Variants in DNAH6 observed in about 807,000 individuals in gnomAD.
DNAH6 encodes axonemal beta dynein heavy chain 6.
DNAH6 carries 340 observed loss-of-function variants against 491.4 expected under a neutral mutation model. That is an observed-to-expected ratio of 0.69 (90% confidence interval 0.63 to 0.76). The LOEUF is 0.76. DNAH6 is among the 30% of genes least tolerant of loss of function. DNAH6 has a pLI of 0.00. For synonymous variants in DNAH6, 1,603 were observed against 1,686.1 expected, an observed-to-expected ratio of 0.95 and a Z score of 1.21; for missense variants, 4,443 against 4,972.2, an observed-to-expected ratio of 0.89 and a Z score of 3.20.
chr2:84,709,528 G>C lies in DNAH6; in HGVS notation c.9234G>C (p.Met3078Ile). The change falls in exon 55 of 77, where the codon ATG (methionine) becomes ATC (isoleucine). Residue 3078 changes from methionine to isoleucine, a missense_variant. Physicochemically the swap from Met to Ile is conservative, Grantham distance 10. Around this residue, in one of 3 missense-constraint regions of DNAH6, gnomAD observed 1,463 missense variants for 1,656.6 expected, o/e 0.88. Coordinates refer to ENST00000389394, the MANE Select transcript of DNAH6 (RefSeq NM_001370.2). Reference protein sequence around the residue: ...LVTQGRRWPLMIDPQDQANRW... With the variant: ...LVTQGRRWPLIIDPQDQANRW... ...CTCAAGGCAGAAGATGGCCTTTGAT[G>C]ATTGATCCCCAAGATCAGGTGTGTA... The C allele has an allele frequency of 6.4e-7, 1 of 1,551,694 alleles. No homozygotes were observed. The highest frequency in any genetic ancestry group is 8.7e-7 in the Non-Finnish European group (1 of 1,147,018).
intron 37 of DNAH6, 123 bp downstream of exon 37, chr2:84,659,292 A>AT (rs1691259132): frequency 3.8e-6 from 2 of 523,504 alleles, no homozygotes; most frequent in Non-Finnish European, 5.9e-6. Flanking sequence ...GGTTCCTAAA[A>AT]TTATTCATGT....
At chr2:84,476,509 TCTTTA>T in the DNAH6 span, among the ~76,000 whole-genome samples, 3 of 152,194 alleles carry the variant, frequency 2.0e-5, no homozygotes. Flanking sequence ...CCCTTTCTTT[TCTTTA>T]ATTTTCTCCA....
At chr2:84,464,050 G>A in the DNAH6 span, among the ~76,000 whole-genome samples, 1 of 152,160 alleles carries the variant, frequency 6.6e-6, no homozygotes, top group Non-Finnish European at 1.5e-5. Flanking sequence ...AATTCCTGGA[G>A]TGATGCTAGG....
In DNAH6 at chr2:84,709,385, C is replaced by A; in HGVS notation, c.9091C>A (p.Pro3031Thr). ...WIQDCQSLEI[P>T]IDPSFSLINI... ...CCAGGACTGTCAGTCTCTGGAGATC[C>A]CAATCGATCCTTCCTTCAGTCTCAT... is the stretch of plus-strand genomic sequence containing the variant. Residue 3031 changes from proline to threonine, a missense_variant, in exon 55 of 77, where the codon CCA becomes ACA. Physicochemically the swap from Pro to Thr is conservative, Grantham distance 38 (BLOSUM62 -1). This residue lies in a region of DNAH6 where 1,463 missense variants were observed against 1,656.6 expected (regional missense o/e 0.88). Coordinates refer to ENST00000389394, the MANE Select transcript of DNAH6 (RefSeq NM_001370.2). 6.4e-7 allele frequency: 1 copy of A among 1,551,648 alleles called. No homozygotes were observed. Among genetic ancestry groups the A allele is most frequent in the Non-Finnish European group, 8.7e-7 (1 of 1,147,000 alleles).
At chr2:84,476,710 A>G in the DNAH6 span, among the ~76,000 whole-genome samples, 1 of 152,120 alleles carries the variant, frequency 6.6e-6, no homozygotes, top group Non-Finnish European at 1.5e-5. Context: ...ATCTCTGCCA[A>G]TTCTCTCCCA....
At chr2:84,678,958 T>C (rs1693515949) in intron 41 of DNAH6, among the ~76,000 whole-genome samples, 1 of 152,200 alleles carries the variant, frequency 6.6e-6, no homozygotes, top group South Asian at 2.1e-4. Flanking sequence ...CCCATGGATC[T>C]CAAACTTCAT....
chr2:84,551,356 A>G (rs1679340172), intron 9 of DNAH6, among the ~76,000 whole-genome samples: 1 of 151,326 alleles, frequency 6.6e-6, no homozygotes, highest in Non-Finnish European at 1.5e-5. Context: ...AAATATACAA[A>G]GAAAAGCACC....
chr2:84,759,207 CA>C (rs752611284), intron 63 of DNAH6, among the ~76,000 whole-genome samples: 4,361 of 139,578 alleles, frequency 0.031, 152 homozygotes, highest in African/African-American at 0.095. Context: ...TAATAGCTAC[CA>C]AAAAAAAAAA....
At chr2:84,766,928 G>A (rs1225411340) in intron 64 of DNAH6, among the ~76,000 whole-genome samples, 1 of 152,162 alleles carries the variant, frequency 6.6e-6, no homozygotes, top group East Asian at 1.9e-4. Flanking sequence ...TGCCAGGTAA[G>A]AAATAAATGG....
chr2:84,778,256 CATGTCCG>C (rs1676344846), intron 64 of DNAH6: 2 of 606,468 alleles, frequency 3.3e-6, no homozygotes, highest in African/African-American at 3.7e-5. Flanking sequence ...ATCAGGAATG[CATGTCCG>C]GCGGGCATCG....
chr2:84,703,154 G>A (rs1019783306), intron 49 of DNAH6, among the ~76,000 whole-genome samples: 10 of 152,200 alleles, frequency 6.6e-5, no homozygotes, highest in African/African-American at 1.2e-4. Flanking sequence ...GCCCAGTGAC[G>A]TCCCACTGCT....
At chr2:84,689,871 C>T (rs1026488799) in intron 45 of DNAH6, among the ~76,000 whole-genome samples, 1 of 152,124 alleles carries the variant, frequency 6.6e-6, no homozygotes, top group Non-Finnish European at 1.5e-5. Context: ...TGTGGGTGCC[C>T]CTACCCAAAA....
At chr2:84,743,325 G>A (rs770479077) in intron 62 of DNAH6, among the ~76,000 whole-genome samples, 1 of 152,166 alleles carries the variant, frequency 6.6e-6, no homozygotes, top group Non-Finnish European at 1.5e-5. Context: ...TAGATTTCAA[G>A]GTTTGTTCCA....
chr2:84,741,636 CAGCAAGT>C (rs545209858), intron 62 of DNAH6, among the ~76,000 whole-genome samples: 73 of 152,282 alleles, frequency 4.8e-4, no homozygotes, highest in Middle Eastern at 3.4e-3. Context: ...CATAGCAGGG[CAGCAAGT>C]ACCCTCTAGG....
At chr2:84,630,925 C>T (rs576992960) in intron 29 of DNAH6, among the ~76,000 whole-genome samples, 1 of 152,218 alleles carries the variant, frequency 6.6e-6, no homozygotes, top group Non-Finnish European at 1.5e-5. Context: ...CTTCTTTCAC[C>T]TCTTGTGTAT....
chr2:84,534,842 A>T (rs1677529561), intron 4 of DNAH6, among the ~76,000 whole-genome samples: 2 of 152,040 alleles, frequency 1.3e-5, no homozygotes, highest in Admixed American at 1.3e-4. Context: ...TAATGTTTAA[A>T]ATGGTTCTCA....
the DNAH6 span, among the ~76,000 whole-genome samples, chr2:84,498,464 A>G: frequency 6.6e-6 from 1 of 151,362 alleles, no homozygotes; most frequent in African/African-American, 2.4e-5. Flanking sequence ...TTCTAAATCT[A>G]AAGCTTTTTT....
At chr2:84,814,877 A>T (rs1680340689) in intron 75 of DNAH6, among the ~76,000 whole-genome samples, 3 of 152,382 alleles carry the variant, frequency 2.0e-5, no homozygotes, top group East Asian at 3.9e-4. Context: ...CCAACAGACC[A>T]GGAGACAGGC....
At chr2:84,535,743 A>C (rs904093934) in intron 4 of DNAH6, among the ~76,000 whole-genome samples, 1 of 151,866 alleles carries the variant, frequency 6.6e-6, no homozygotes, top group African/African-American at 2.4e-5. Context: ...GATATAGATG[A>C]TCATAATCCA....
Sources: allele counts gnomAD v4.1 joint callset (sites outside exome capture counted in the v4.1 genomes callset), GRCh38; gene constraint gnomAD v4.1.1; regional missense constraint gnomAD v4.1.1; transcripts MANE v1.5; gene names NCBI Gene and HGNC (gene_info 2026-07-23, HGNC 2026-07-21).